Variants in NT5E observed in about 807,000 individuals in gnomAD.
The protein encoded by NT5E is 5'-nucleotidase.
NT5E carries 53 observed loss-of-function variants against 55.1 expected under a neutral mutation model. The ratio of observed to expected loss-of-function variants is 0.96; its 90% CI spans 0.77 to 1.21. The LOEUF (loss-of-function observed/expected upper bound fraction) is 1.21, where lower values mean the gene tolerates loss of function less well. NT5E is among the 50% of genes most tolerant of loss of function. The pLI is 0.00. For missense variants in NT5E, 683 were observed against 724.3 expected (o/e 0.94, Z 0.65); for synonymous variants, 270 against 278.4 (o/e 0.97, Z 0.30).
chr6:85,451,736 A>G (rs971656976), intron 1 of NT5E, among the ~76,000 whole-genome samples: 4 of 152,206 alleles, frequency 2.6e-5, no homozygotes, highest in Non-Finnish European at 5.9e-5. Flanking sequence ...TACACTTTAT[A>G]TGAGAAGAGC....
chr6:85,487,596 T>G, intron 5 of NT5E, 107 bp downstream of exon 5: 25 of 1,318,232 alleles, frequency 1.9e-5, no homozygotes, highest in Middle Eastern at 1.8e-4. Context: ...GAATGAGGGA[T>G]TTCAAAACAT....
intron 1 of NT5E, among the ~76,000 whole-genome samples, chr6:85,451,211 G>A (rs543381946): frequency 1.7e-4 from 25 of 150,770 alleles, no homozygotes; most frequent in Non-Finnish European, 3.2e-4. Context: ...ATAATATAGG[G>A]TTAAGAAAAG....
At chr6:85,477,295 G>A (rs1435825537) in intron 3 of NT5E, among the ~76,000 whole-genome samples, 2 of 152,068 alleles carry the variant, frequency 1.3e-5, no homozygotes, top group Admixed American at 6.5e-5. Context: ...GTTAACAAGT[G>A]CAACTTCTTT....
chr6:85,492,073 C>T lies in NT5E; in HGVS notation c.1457C>T (p.Pro486Leu), dbSNP rs766757769. The change falls in exon 8 of 9, where the codon CCT becomes CTT. Residue 486 changes from proline (P) to leucine (L), a missense_variant. Coordinates refer to ENST00000257770, the MANE Select transcript of NT5E (RefSeq NM_002526.4). The part of the protein sequence containing the change: ...CTKCRVPSYD[P>L]LKMDEVYKVI... ...AAGTGTCGAGTGCCCAGTTATGACCCTCTCAAAATGGACGAGGTATATAAG... is the reference window on the plus strand; with the variant it reads ...AAGTGTCGAGTGCCCAGTTATGACCTTCTCAAAATGGACGAGGTATATAAG... The T allele has an allele frequency of 2.0e-5, 33 of 1,613,998 alleles. No homozygotes were observed. Among genetic ancestry groups the T allele is most frequent in the Non-Finnish European group, 2.3e-5 (27 of 1,179,988 alleles).
At chr6:85,462,226 T>C (rs1386691200) in intron 1 of NT5E, among the ~76,000 whole-genome samples, 2 of 152,022 alleles carry the variant, frequency 1.3e-5, no homozygotes, top group Non-Finnish European at 2.9e-5. Context: ...CTCCCATCCA[T>C]TCACTGCAGG....
intron 8 of NT5E, among the ~76,000 whole-genome samples, chr6:85,493,334 T>C (rs1769825475): frequency 1.3e-5 from 2 of 152,158 alleles, no homozygotes; most frequent in South Asian, 2.1e-4. Context: ...TAAAATAAAA[T>C]TCTGTTGGGT....
intron 1 of NT5E, among the ~76,000 whole-genome samples, chr6:85,462,266 G>A (rs143718055): frequency 4.6e-5 from 7 of 152,126 alleles, no homozygotes; most frequent in South Asian, 2.1e-4. Context: ...AAGCACCCCC[G>A]GACTGCCTCC....
intron 1 of NT5E, among the ~76,000 whole-genome samples, chr6:85,454,812 A>G (rs967791779): frequency 6.6e-6 from 1 of 152,180 alleles, no homozygotes; most frequent in Non-Finnish European, 1.5e-5. Context: ...TAAATCTACA[A>G]TCTGTGGCTA....
At chr6:85,469,246 T>C (rs1369565815) in intron 2 of NT5E, among the ~76,000 whole-genome samples, 1 of 152,208 alleles carries the variant, frequency 6.6e-6, no homozygotes, top group Non-Finnish European at 1.5e-5. Context: ...TCTGATATAA[T>C]AGAGGAATAC....
chr6:85,474,046 T>A (rs1451230293), intron 3 of NT5E, among the ~76,000 whole-genome samples: 1 of 152,324 alleles, frequency 6.6e-6, no homozygotes, highest in East Asian at 1.9e-4. Flanking sequence ...TTTGTTCCCA[T>A]AACAGTACAG....
intron 3 of NT5E, among the ~76,000 whole-genome samples, chr6:85,483,211 T>G (rs893011747): frequency 1.3e-5 from 2 of 152,238 alleles, no homozygotes; most frequent in Admixed American, 1.3e-4. Flanking sequence ...TCCAGGAAAC[T>G]GACAGACTCC....
At chr6:85,492,623 G>T (rs1286461679) in intron 8 of NT5E, among the ~76,000 whole-genome samples, 1 of 152,178 alleles carries the variant, frequency 6.6e-6, no homozygotes, top group African/African-American at 2.4e-5. Flanking sequence ...AGCACAGTGG[G>T]TTGGTGGTAC....
chr6:85,485,862 T>G (rs948335781), intron 4 of NT5E, among the ~76,000 whole-genome samples: 1 of 151,994 alleles, frequency 6.6e-6, no homozygotes, highest in African/African-American at 2.4e-5. Flanking sequence ...AATGAGGGAG[T>G]ACCTTATTTA....
In NT5E at chr6:85,456,416, T is replaced by G. The variant is rs1768993121; in HGVS notation, c.339+5938T>G. 2.0e-5 allele frequency among the ~76,000 whole-genome samples: 3 copies of G among 152,234 alleles called. No individual in the cohort carries two copies. The South Asian group carries it at 6.2e-4, about 32-fold the overall frequency. On this transcript the variant is annotated intron_variant, in intron 1 of 8. Transcript: ENST00000257770. Reference sequence around the variant, plus strand: ...ATAACTAGTTGGTTGGGAATACAGGTGGCCCAGGACTCTCGACTGGTGTCT... The same window carrying G: ...ATAACTAGTTGGTTGGGAATACAGGGGGCCCAGGACTCTCGACTGGTGTCT...
intron 3 of NT5E, among the ~76,000 whole-genome samples, chr6:85,474,727 G>A (rs556433110): frequency 6.6e-6 from 1 of 152,284 alleles, no homozygotes; most frequent in East Asian, 1.9e-4. Context: ...CCAGGAGTTC[G>A]AGACCGGCCT....
chr6:85,487,577 A>G, intron 5 of NT5E, 88 bp downstream of exon 5: 3 of 1,518,176 alleles, frequency 2.0e-6, no homozygotes, highest in South Asian at 2.3e-5. Flanking sequence ...GGATAGATCG[A>G]TAGCTACAGA....
chr6:85,481,248 A>C lies in NT5E; in HGVS notation c.752-3987A>C, dbSNP rs139772316. Among the ~76,000 whole-genome samples the C allele has an allele frequency of 2.0e-5, 3 of 152,346 alleles. No homozygotes were observed. In the East Asian group the frequency reaches 5.8e-4, roughly 29 times the overall value. ...ATACTGGCCCTGATCAGATTTTTTA[A>C]AAATACATAATTATGCAAATAAATC... On this transcript the variant is annotated intron_variant, in intron 3 of 8. Coordinates refer to ENST00000257770, the MANE Select transcript of NT5E (RefSeq NM_002526.4).
chr6:85,454,470 CCTCTT>C (rs1768950804), intron 1 of NT5E, among the ~76,000 whole-genome samples: 1 of 152,080 alleles, frequency 6.6e-6, no homozygotes, highest in South Asian at 2.1e-4. Flanking sequence ...TTTTAAGCTT[CCTCTT>C]CTCTAATTGC....
At chr6:85,481,932 C>T (rs1169452552) in intron 3 of NT5E, among the ~76,000 whole-genome samples, 4 of 152,168 alleles carry the variant, frequency 2.6e-5, no homozygotes, top group Admixed American at 2.6e-4. Context: ...TCACAGTAAC[C>T]TAGGCACAAG....
Sources: gnomAD v4.1 joint callset for allele counts (sites outside exome capture counted in the v4.1 genomes callset) on GRCh38, gnomAD v4.1.1 for gene constraint, MANE v1.5 for transcripts, NCBI Gene and HGNC (gene_info 2026-07-23, HGNC 2026-07-21) for gene names.